The following HDDC2 variants were observed in gnomAD, a reference collection of about 807,000 sequenced individuals.
HDDC2 encodes the protein 5'-deoxynucleotidase HDDC2.
A neutral mutation model predicts 25.5 loss-of-function variants in HDDC2; 25 were observed. The ratio of observed to expected loss-of-function variants is 0.98; its 90% CI spans 0.72 to 1.37. The LOEUF (loss-of-function observed/expected upper bound fraction) is 1.37. Ranked by LOEUF, HDDC2 falls within the 40% of genes most tolerant of loss-of-function variation. HDDC2 has a pLI of 0.00. For missense variants in HDDC2, 264 were observed against 253.1 expected, an observed-to-expected ratio of 1.04 and a Z score of -0.29; for synonymous variants, 106 against 89.7, an observed-to-expected ratio of 1.18 and a Z score of -1.03.
chr6:125,284,535 T>A (rs1309746605), intron 4 of HDDC2, among the ~76,000 whole-genome samples: 1 of 152,248 alleles, frequency 6.6e-6, no homozygotes, highest in South Asian at 2.1e-4. Context: ...AAAGAAGACA[T>A]TTATGTGACC....
chr6:125,298,715 T>A lies in HDDC2; in HGVS notation c.308A>T (p.Glu103Val). ...GCACAGTCAATAGTCAACACTGACC[T>A]CTTCTCGCCTATGTTTTTCTTCTTT... The part of the protein sequence containing the change: ...IPKEEKHRRE[E>V]EAMKQITQLL... Residue 103 changes from glutamate to valine, a missense_variant and splice_region_variant, in exon 3 of 6, where the codon GAG (glutamate) becomes GTG (valine). Coordinates refer to ENST00000398153, the MANE Select transcript of HDDC2 (RefSeq NM_016063.3). 6.2e-7 allele frequency: 1 copy of A among 1,612,436 alleles called. No individual in the cohort carries two copies. Among genetic ancestry groups the A allele is most frequent in the Non-Finnish European group, 8.5e-7 (1 of 1,178,408 alleles).
chr6:125,283,167 A>G (rs1361052278), intron 4 of HDDC2, among the ~76,000 whole-genome samples: 1 of 152,236 alleles, frequency 6.6e-6, no homozygotes, highest in Non-Finnish European at 1.5e-5. Flanking sequence ...AACATATCTC[A>G]AAATAATAAG....
intron 4 of HDDC2, 115 bp downstream of exon 4, chr6:125,292,726 C>A: frequency 1.2e-6 from 1 of 802,854 alleles, no homozygotes; most frequent in South Asian, 1.5e-5. Flanking sequence ...AGACACAAAC[C>A]AGACAGTAAT....
At chr6:125,277,426 T>C (rs1019811503) in intron 4 of HDDC2, 186 bp from the exon 5 acceptor site, 24 of 555,656 alleles carry the variant, frequency 4.3e-5, no homozygotes, top group Non-Finnish European at 7.0e-5. Context: ...ACACCAGGAC[T>C]CTATACAAGA....
At chr6:125,300,273 T>G (rs185475722) in intron 2 of HDDC2, 128 of 410,954 alleles carry the variant, frequency 3.1e-4, no homozygotes, top group African/African-American at 2.5e-3. Context: ...CATAACACAC[T>G]CACCTTCAAG....
intron 4 of HDDC2, among the ~76,000 whole-genome samples, chr6:125,285,154 G>A (rs989575610): frequency 6.0e-5 from 9 of 149,692 alleles, no homozygotes; most frequent in African/African-American, 9.9e-5. Context: ...TCACACACTG[G>A]GGCCTGTCGG....
At chr6:125,282,079 C>T (rs145334522) in intron 4 of HDDC2, among the ~76,000 whole-genome samples, 2 of 152,174 alleles carry the variant, frequency 1.3e-5, no homozygotes, top group Non-Finnish European at 2.9e-5. Flanking sequence ...GGCACGGTGG[C>T]TCATGCCTGT....
chr6:125,277,638 C>A (rs1798390744), intron 4 of HDDC2: 1 of 159,504 alleles, frequency 6.3e-6, no homozygotes, highest in African/African-American at 2.4e-5. Flanking sequence ...CCTGTATTTC[C>A]CTCTCCATTT....
intron 4 of HDDC2, among the ~76,000 whole-genome samples, chr6:125,288,052 C>T (rs769867084): frequency 6.6e-6 from 1 of 152,154 alleles, no homozygotes; most frequent in Non-Finnish European, 1.5e-5. Flanking sequence ...CTGTTTAGTG[C>T]TGAAGAGAAG....
chr6:125,276,798 C>T (rs552908768), intron 5 of HDDC2: 4 of 357,808 alleles, frequency 1.1e-5, no homozygotes, highest in Admixed American at 4.4e-5. Context: ...AGCAACCAAG[C>T]TCTAAGCTAT....
At chr6:125,283,631 G>A (rs956549824) in intron 4 of HDDC2, among the ~76,000 whole-genome samples, 6 of 152,222 alleles carry the variant, frequency 3.9e-5, no homozygotes, top group African/African-American at 1.4e-4. Context: ...ACCTCTTCAA[G>A]GAGAACTACA....
intron 4 of HDDC2, among the ~76,000 whole-genome samples, chr6:125,285,727 G>C (rs1313880854): frequency 6.6e-6 from 1 of 152,014 alleles, no homozygotes; most frequent in African/African-American, 2.4e-5. Flanking sequence ...GCAACATGAA[G>C]ATACATTCTA....
At chr6:125,281,362 C>A (rs1195489564) in intron 4 of HDDC2, among the ~76,000 whole-genome samples, 1 of 152,114 alleles carries the variant, frequency 6.6e-6, no homozygotes, top group Non-Finnish European at 1.5e-5. Flanking sequence ...ATGAGTTGGA[C>A]AAATTGACAG....
At position 125,300,611 on chromosome 6, in the gene HDDC2, T is replaced by A. The variant is rs1206208208; in HGVS notation, c.133A>T (p.Ser45Cys). Reference protein sequence around the residue: ...WVYRNVQRPESVSDHMYRMAV... With the variant: ...WVYRNVQRPECVSDHMYRMAV... Reference sequence around the variant, plus strand: ...ATCCGGTACATGTGATCTGAAACGCTCTCCGGCCTCTGGACATTTCTGTAT... The same window carrying A: ...ATCCGGTACATGTGATCTGAAACGCACTCCGGCCTCTGGACATTTCTGTAT... Residue 45 changes from serine (S) to cysteine (C), a missense_variant, in exon 2 of 6, where the codon AGC becomes TGC. Ser to Cys is a moderately radical substitution (Grantham distance 112, BLOSUM62 -1). Coordinates refer to ENST00000398153, the MANE Select transcript of HDDC2 (RefSeq NM_016063.3). The A allele has an allele frequency of 2.5e-6, 4 of 1,614,134 alleles. No homozygotes were observed. The African/African-American group carries it at 5.3e-5, about 22-fold the overall frequency.
chr6:125,293,622 G>A (rs1364365659), intron 3 of HDDC2, among the ~76,000 whole-genome samples: 1 of 152,142 alleles, frequency 6.6e-6, no homozygotes, highest in African/African-American at 2.4e-5. Context: ...GCCTTAGACA[G>A]TACTGGCAGA....
chr6:125,276,100 G>A lies in HDDC2; in HGVS notation c.*46C>T. The A allele has an allele frequency of 1.5e-6, 2 of 1,329,158 alleles. No homozygotes were observed. Among genetic ancestry groups the A allele is most frequent in the Non-Finnish European group, 2.2e-6 (2 of 925,602 alleles). The allele number at this position is 1,329,158 out of a possible 1,614,324, so 82.3% of individuals were successfully genotyped here. A position where few individuals can be genotyped will look rare whatever the true frequency, so the allele number is the denominator to read the frequency against. ...ATGGCAAAACACAATACAATGAAAT[G>A]GAAAAATAATGTTTGTTACAGGAGT... On this transcript the variant is annotated 3_prime_UTR_variant, in exon 6 of 6. Coordinates refer to ENST00000398153, the MANE Select transcript of HDDC2 (RefSeq NM_016063.3).
At chr6:125,298,374 G>A (rs564183637) in intron 3 of HDDC2, among the ~76,000 whole-genome samples, 3 of 152,318 alleles carry the variant, frequency 2.0e-5, no homozygotes, top group African/African-American at 7.2e-5. Flanking sequence ...CCTGCTTCTG[G>A]AAGATAAGGC....
At chr6:125,300,977 A>G (rs946726536) in intron 1 of HDDC2, among the ~76,000 whole-genome samples, 2 of 152,116 alleles carry the variant, frequency 1.3e-5, no homozygotes, top group Non-Finnish European at 2.9e-5. Context: ...TTTTCCGAAC[A>G]AGAGTTGCGG....
chr6:125,300,858 G>A (rs1037526195), intron 1 of HDDC2, among the ~76,000 whole-genome samples, 199 bp from the exon 2 acceptor site: 2 of 151,774 alleles, frequency 1.3e-5, no homozygotes, highest in Non-Finnish European at 2.9e-5. Context: ...AATGAAAGGG[G>A]TAGAAGACAG....
Sources: gnomAD v4.1 joint callset for allele counts (sites outside exome capture counted in the v4.1 genomes callset) on GRCh38, gnomAD v4.1.1 for gene constraint, MANE v1.5 for transcripts, NCBI Gene and HGNC (gene_info 2026-07-23, HGNC 2026-07-21) for gene names.